MYLK: variants seen among roughly 807,000 people sequenced by gnomAD.
The protein encoded by MYLK is myosin light chain kinase, smooth muscle.
In MYLK, 106 loss-of-function variants were observed where a neutral mutation model predicts 203.4. That is an observed-to-expected ratio of 0.52 (90% CI 0.45 to 0.61). The LOEUF (loss-of-function observed/expected upper bound fraction) is 0.61, where lower values mean the gene tolerates loss of function less well. MYLK is among the 20% of genes least tolerant of loss of function. The pLI, the probability that MYLK is intolerant of heterozygous loss-of-function variation, is 0.00. For missense variants in MYLK, 2,072 were observed against 2,442.3 expected, an observed-to-expected ratio of 0.85 and a Z score of 3.20; for synonymous variants, 867 against 959.5, an observed-to-expected ratio of 0.90 and a Z score of 1.78.
At chr3:123,755,959 C>T (rs140972184) in intron 4 of MYLK, among the ~76,000 whole-genome samples, 35 of 152,306 alleles carry the variant, frequency 2.3e-4, no homozygotes, top group African/African-American at 7.9e-4. Context: ...CTCACAGCAG[C>T]TGGGAATGGG....
At chr3:123,671,957 T>G (rs2059927012) in intron 20 of MYLK, among the ~76,000 whole-genome samples, 1 of 151,982 alleles carries the variant, frequency 6.6e-6, no homozygotes, top group East Asian at 1.9e-4. Context: ...AGCCCAGATA[T>G]GATCTCTGGA....
At chr3:123,758,128 T>A (rs1479804280) in intron 4 of MYLK, among the ~76,000 whole-genome samples, 3 of 151,772 alleles carry the variant, frequency 2.0e-5, no homozygotes, top group Non-Finnish European at 4.4e-5. Context: ...ACTTACCTCA[T>A]GGGTATGTTA....
chr3:123,850,531 A>G (rs1052161101), intron 2 of MYLK, among the ~76,000 whole-genome samples: 3 of 152,318 alleles, frequency 2.0e-5, no homozygotes, highest in African/African-American at 7.2e-5. Flanking sequence ...TTTTGGCTGC[A>G]TAAATGTCTT....
intron 5 of MYLK, among the ~76,000 whole-genome samples, chr3:123,744,599 A>C (rs1402654383): frequency 6.6e-6 from 1 of 152,204 alleles, no homozygotes; most frequent in Non-Finnish European, 1.5e-5. Context: ...GTTGAGTAGT[A>C]AGAAAATTAT....
At chr3:123,870,646 G>A (rs1371001544) in intron 2 of MYLK, among the ~76,000 whole-genome samples, 1 of 152,230 alleles carries the variant, frequency 6.6e-6, no homozygotes. Flanking sequence ...GACTAAAGCA[G>A]GTAGGTGTAG....
At chr3:123,811,899 A>G (rs576625410) in intron 3 of MYLK, among the ~76,000 whole-genome samples, 9 of 152,202 alleles carry the variant, frequency 5.9e-5, no homozygotes, top group Non-Finnish European at 1.3e-4. Flanking sequence ...CTATAAAAAC[A>G]TATCTATTAA....
At chr3:123,707,423 C>A (rs976375986) in intron 16 of MYLK, among the ~76,000 whole-genome samples, 1 of 152,208 alleles carries the variant, frequency 6.6e-6, no homozygotes, top group African/African-American at 2.4e-5. Context: ...CAACAGATAA[C>A]AAATGCATTC....
intron 4 of MYLK, among the ~76,000 whole-genome samples, chr3:123,758,270 G>A (rs1019188815): frequency 7.2e-5 from 11 of 152,126 alleles, no homozygotes; most frequent in East Asian, 5.8e-4. Context: ...TAATCCCATT[G>A]CCAACAGTCA....
At chr3:123,614,432 C>T in intron 33 of MYLK, 83 bp from the exon 34 acceptor site, 1 of 1,559,878 alleles carries the variant, frequency 6.4e-7, no homozygotes, top group Non-Finnish European at 8.8e-7. Context: ...TTGTAAGCTA[C>T]CACTATTGAT....
chr3:123,679,044 C>T lies in MYLK; in HGVS notation c.3652+3180G>A, dbSNP rs1378331278. ...ACATCTTCGGCCGGGCGCGGTGGCTCACGCCTGTAATCCCAGCACTTTGGG... is the reference window on the plus strand; with the variant it reads ...ACATCTTCGGCCGGGCGCGGTGGCTTACGCCTGTAATCCCAGCACTTTGGG... On this transcript the variant is annotated intron_variant, in intron 20 of 33. Transcript: ENST00000360304. 2.6e-5 allele frequency among the ~76,000 whole-genome samples: 4 copies of T among 152,312 alleles called. No individual in the cohort carries two copies. The East Asian group carries it at 7.7e-4, about 29-fold the overall frequency.
At position 123,684,832 on chromosome 3, in the gene MYLK, G is replaced by A. The variant is rs536819573; in HGVS notation, c.3566-2522C>T. On this transcript the variant is annotated intron_variant, in intron 19 of 33. Transcript: ENST00000360304. Reference sequence around the variant, plus strand: ...ATTACTGGCGTGAGCCACGGCACCCGGCCCTTCTTAAGGAAGAGGAGTACA... The same window carrying A: ...ATTACTGGCGTGAGCCACGGCACCCAGCCCTTCTTAAGGAAGAGGAGTACA... 5.9e-5 allele frequency among the ~76,000 whole-genome samples: 9 copies of A among 152,284 alleles called. No homozygotes were observed. The East Asian group carries it at 9.6e-4, about 16-fold the overall frequency.
intron 3 of MYLK, among the ~76,000 whole-genome samples, chr3:123,820,833 C>A (rs2109297377): frequency 6.6e-6 from 1 of 152,290 alleles, no homozygotes; most frequent in East Asian, 1.9e-4. Flanking sequence ...AGGCAATTCT[C>A]CTGTCTCAGT....
In MYLK at chr3:123,700,717, C is replaced by T. The variant is rs778001586; in HGVS notation, c.2751G>A (p.Glu917=). The T allele has an allele frequency of 5.6e-6, 9 of 1,614,094 alleles. No homozygotes were observed. In the African/African-American group the frequency reaches 9.3e-5, roughly 17 times the overall value. ...TKTLSEDDLK[E]IPAEQMDFRA... ...GGAAATCCATCTGCTCGGCTGGGAT[C>T]TCCTTCAGGTCGTCTTCCGATAGGG... Residue 917 remains glutamate, a synonymous_variant, in exon 18 of 34, where the codon GAG becomes GAA. Coordinates refer to ENST00000360304, the MANE Select transcript of MYLK (RefSeq NM_053025.4).
chr3:123,691,736 T>C (rs559256019), intron 19 of MYLK: 1 of 152,268 alleles, frequency 6.6e-6, no homozygotes, highest in Non-Finnish European at 1.5e-5. Context: ...AGATGCCTTA[T>C]TTGGACACTA....
At chr3:123,732,658 G>A (rs1329342770) in intron 11 of MYLK, among the ~76,000 whole-genome samples, 2 of 152,174 alleles carry the variant, frequency 1.3e-5, no homozygotes, top group African/African-American at 4.8e-5. Context: ...GCTGTCAGTT[G>A]GGCTGGGTGT....
intron 3 of MYLK, among the ~76,000 whole-genome samples, chr3:123,808,309 G>A (rs1343973576): frequency 6.6e-6 from 1 of 152,112 alleles, no homozygotes; most frequent in African/African-American, 2.4e-5. Flanking sequence ...TACTCTAGGT[G>A]CCTGGAATTT....
intron 4 of MYLK, among the ~76,000 whole-genome samples, chr3:123,760,938 T>C (rs34261801): frequency 0.37 from 56,102 of 152,132 alleles, 13,358 homozygotes; most frequent in Middle Eastern, 0.59. Flanking sequence ...CAAAATACCA[T>C]TTGAGCCTTG....
intron 3 of MYLK, among the ~76,000 whole-genome samples, chr3:123,818,808 T>C (rs927872990): frequency 1.3e-5 from 2 of 152,210 alleles, no homozygotes; most frequent in African/African-American, 4.8e-5. Context: ...ATAATCTTAG[T>C]TGTGGTGAAT....
At chr3:123,789,038 C>T (rs1391394635) in intron 4 of MYLK, among the ~76,000 whole-genome samples, 1 of 152,094 alleles carries the variant, frequency 6.6e-6, no homozygotes, top group Non-Finnish European at 1.5e-5. Context: ...TCATACTTGA[C>T]TCTGCTGGGG....
Sources: gnomAD v4.1 joint callset for allele counts (sites outside exome capture counted in the v4.1 genomes callset) on GRCh38, gnomAD v4.1.1 for gene constraint, MANE v1.5 for transcripts, NCBI Gene and HGNC (gene_info 2026-07-23, HGNC 2026-07-21) for gene names.